Variants in RASSF3 observed in about 807,000 individuals in gnomAD.
RASSF3 encodes the protein ras association domain-containing protein 3.
A neutral mutation model predicts 19.9 loss-of-function variants in RASSF3; 19 were observed. That is an observed-to-expected ratio of 0.96 (90% CI 0.67 to 1.40). The LOEUF (loss-of-function observed/expected upper bound fraction) is 1.40, where lower values mean the gene tolerates loss of function less well. RASSF3 is among the 40% of genes most tolerant of loss of function. The pLI is 0.00. For synonymous variants in RASSF3, 110 were observed against 104.2 expected (o/e 1.06, Z -0.34); for missense variants, 306 against 289.8 (o/e 1.06, Z -0.41).
chr12:64,623,767 C>T (rs1401282437), intron 1 of RASSF3, among the ~76,000 whole-genome samples: 2 of 151,132 alleles, frequency 1.3e-5, no homozygotes, highest in East Asian at 1.9e-4. Flanking sequence ...CTCAGCTTCC[C>T]GAGTAGCTGG....
chr12:64,581,212 T>G (rs186503997), intron 2 of RASSF3, among the ~76,000 whole-genome samples: 1 of 152,280 alleles, frequency 6.6e-6, no homozygotes, highest in East Asian at 1.9e-4. Flanking sequence ...ATAGTAGTTC[T>G]GCCTACACTG....
intron 1 of RASSF3, among the ~76,000 whole-genome samples, chr12:64,536,559 CTT>C (rs1868831631): frequency 6.6e-6 from 1 of 151,932 alleles, no homozygotes; most frequent in South Asian, 2.1e-4. Flanking sequence ...AACATAATAA[CTT>C]TATTCTATTT....
chr12:64,568,270 T>A (rs1480860747), intron 2 of RASSF3, among the ~76,000 whole-genome samples: 1 of 152,210 alleles, frequency 6.6e-6, no homozygotes, highest in Non-Finnish European at 1.5e-5. Context: ...TGACCTCAGA[T>A]GATCCACCTG....
At chr12:64,593,786 C>T (rs993961014) in intron 2 of RASSF3, among the ~76,000 whole-genome samples, 3 of 151,898 alleles carry the variant, frequency 2.0e-5, no homozygotes, top group Admixed American at 6.6e-5. Flanking sequence ...GGCAAGCAGG[C>T]GGATCACCTG....
chr12:64,641,637 CTTT>C (rs772275438), intron 1 of RASSF3, among the ~76,000 whole-genome samples: 2 of 48,152 alleles, frequency 4.2e-5, no homozygotes, highest in Non-Finnish European at 1.1e-4. Flanking sequence ...CTCTCTCTCT[CTTT>C]TTTTTTTTTT....
intron 2 of RASSF3, among the ~76,000 whole-genome samples, chr12:64,557,247 C>A (rs1287834258): frequency 6.6e-6 from 1 of 152,140 alleles, no homozygotes; most frequent in African/African-American, 2.4e-5. Flanking sequence ...GAGTTCCTGG[C>A]AATCATGCTG....
chr12:64,642,605 GTAATTAATACAAAGTTTTGTAAT>G (rs1350299907), intron 1 of RASSF3, among the ~76,000 whole-genome samples: 61 of 121,792 alleles, frequency 5.0e-4, no homozygotes, highest in Admixed American at 1.4e-3. Context: ...TCAAAACTTT[GTAATTAATACAAAGTTTTGTAAT>G]TAATTAATAC....
At chr12:64,527,328 C>A (rs1868609480) in intron 1 of RASSF3, among the ~76,000 whole-genome samples, 1 of 152,220 alleles carries the variant, frequency 6.6e-6, no homozygotes, top group African/African-American at 2.4e-5. Flanking sequence ...ACCCCAGTGT[C>A]CTCTTCCATA....
intron 1 of RASSF3, among the ~76,000 whole-genome samples, chr12:64,673,994 G>C (rs1455479748): frequency 2.0e-5 from 3 of 152,056 alleles, no homozygotes; most frequent in African/African-American, 7.2e-5. Flanking sequence ...CTGGTAACCA[G>C]GGGGTTTAAA....
At chr12:64,575,077 A>G (rs1379226961) in intron 2 of RASSF3, among the ~76,000 whole-genome samples, 1 of 152,208 alleles carries the variant, frequency 6.6e-6, no homozygotes, top group Non-Finnish European at 1.5e-5. Context: ...CAAGAAAAAG[A>G]AATAACAGAA....
intron 1 of RASSF3, among the ~76,000 whole-genome samples, chr12:64,668,930 A>T (rs1474692384): frequency 6.6e-6 from 1 of 151,960 alleles, no homozygotes; most frequent in African/African-American, 2.4e-5. Flanking sequence ...CGGCCTCCCA[A>T]AGTGCTGGGA....
chr12:64,562,509 C>G (rs946278202), intron 2 of RASSF3, among the ~76,000 whole-genome samples: 5 of 152,188 alleles, frequency 3.3e-5, no homozygotes, highest in African/African-American at 9.7e-5. Flanking sequence ...CGAAACTGCT[C>G]TTCCATGTCT....
chr12:64,672,766 C>T (rs1184002909), intron 1 of RASSF3, among the ~76,000 whole-genome samples: 1 of 152,234 alleles, frequency 6.6e-6, no homozygotes, highest in Admixed American at 6.5e-5. Flanking sequence ...ATCCTCCTCC[C>T]TCCGCCTTCC....
At chr12:64,643,761 T>C (rs1341984217) in intron 1 of RASSF3, among the ~76,000 whole-genome samples, 1 of 152,188 alleles carries the variant, frequency 6.6e-6, no homozygotes, top group Non-Finnish European at 1.5e-5. Flanking sequence ...AATTTTAGAC[T>C]GGGGTCTTTG....
chr12:64,509,846 C>T (rs757024025), intron 1 of RASSF3, among the ~76,000 whole-genome samples: 3 of 151,822 alleles, frequency 2.0e-5, no homozygotes, highest in African/African-American at 4.8e-5. Context: ...CAGAACTTTG[C>T]GAGGCCAAGG....
At chr12:64,544,427 C>T (rs1287199281), downstream of RASSF3, among the ~76,000 whole-genome samples, 1 of 152,242 alleles carries the variant, frequency 6.6e-6, no homozygotes, top group East Asian at 1.9e-4. Flanking sequence ...CGGGAGGGTC[C>T]GCGGGTTCAT....
intron 1 of RASSF3, among the ~76,000 whole-genome samples, chr12:64,676,166 ATT>A (rs35376691): frequency 0.05 from 5,303 of 106,346 alleles, 292 homozygotes; most frequent in African/African-American, 0.18. Context: ...CAGGAGTAGA[ATT>A]TTTTTTTTTT....
intron 1 of RASSF3, among the ~76,000 whole-genome samples, chr12:64,673,242 G>A (rs930217235): frequency 1.1e-4 from 16 of 152,138 alleles, no homozygotes; most frequent in African/African-American, 3.9e-4. Context: ...GCTGGGTGAC[G>A]CCTTGAACAG....
intron 2 of RASSF3, among the ~76,000 whole-genome samples, chr12:64,572,583 T>A (rs1869536274): frequency 6.6e-6 from 1 of 152,154 alleles, no homozygotes; most frequent in South Asian, 2.1e-4. Context: ...ACAAGCCACA[T>A]CTGTTCTGCA....
Sources: allele counts gnomAD v4.1 joint callset (sites outside exome capture counted in the v4.1 genomes callset), GRCh38; gene constraint gnomAD v4.1.1; transcripts MANE v1.5; gene names NCBI Gene and HGNC (gene_info 2026-07-23, HGNC 2026-07-21).